Variants in CTBP2 observed in about 807,000 individuals in gnomAD.
CTBP2 encodes C-terminal binding protein 2.
Under a neutral mutation model 80.3 loss-of-function variants are expected in CTBP2, and 30 were observed. That is an observed-to-expected ratio of 0.37 (90% CI 0.28 to 0.51). The LOEUF (loss-of-function observed/expected upper bound fraction) is 0.51, where lower values mean the gene tolerates loss of function less well. CTBP2 is among the 20% of genes least tolerant of loss of function. The probability of loss-of-function intolerance (pLI) is 0.93; values close to 1 mark genes in which losing one functional copy is unlikely to be tolerated. For synonymous variants in CTBP2, 594 were observed against 587.4 expected (o/e 1.01, Z -0.16); for missense variants, 1,212 against 1,375.3 (o/e 0.88, Z 1.88).
At chr10:125,129,674 G>A (rs1437199459) in intron 1 of CTBP2, among the ~76,000 whole-genome samples, 2 of 152,156 alleles carry the variant, frequency 1.3e-5, no homozygotes, top group African/African-American at 4.8e-5. Context: ...CCTTCCAAAG[G>A]AGACTCCAAA....
chr10:125,022,795 C>T (rs1328048117), intron 1 of CTBP2, among the ~76,000 whole-genome samples: 1 of 152,182 alleles, frequency 6.6e-6, no homozygotes, highest in Non-Finnish European at 1.5e-5. Context: ...GGAAGCCTGC[C>T]GAAGGTTTAA....
chr10:125,062,005 G>A (rs571401462), intron 2 of CTBP2, among the ~76,000 whole-genome samples: 9 of 152,320 alleles, frequency 5.9e-5, no homozygotes, highest in South Asian at 2.1e-4. Flanking sequence ...GACCGAAGCC[G>A]GGTAGCCCAG....
At chr10:125,003,234 G>GGCA in intron 2 of CTBP2, 104 bp downstream of exon 4, 1 of 1,580,936 alleles carries the variant, frequency 6.3e-7, no homozygotes, top group Admixed American at 1.8e-5. Context: ...CAGGGAACAG[G>GGCA]GGTTCTGGGG....
intron 2 of CTBP2, among the ~76,000 whole-genome samples, chr10:125,098,742 G>GACAA (rs374036982): frequency 2.8e-5 from 3 of 106,730 alleles, no homozygotes; most frequent in South Asian, 2.7e-4. Context: ...GAGAGAGAGA[G>GACAA]AGAGAGACAG....
chr10:125,075,631 A>T (rs977981843), intron 2 of CTBP2, among the ~76,000 whole-genome samples: 1 of 152,272 alleles, frequency 6.6e-6, no homozygotes, highest in Non-Finnish European at 1.5e-5. Flanking sequence ...CAGACAAAGC[A>T]ATTTTTAGAA....
intron 1 of CTBP2, among the ~76,000 whole-genome samples, chr10:125,120,085 C>CCTGGGAGAGAATTGGTGGG (rs1854060589): frequency 6.6e-6 from 1 of 152,246 alleles, no homozygotes; most frequent in African/African-American, 2.4e-5. Context: ...AGCCAATCAA[C>CCTGGGAGAGAATTGGTGGG]CTGGGAGAGA....
At chr10:125,152,433 G>A (rs1156427345) in intron 1 of CTBP2, among the ~76,000 whole-genome samples, 1 of 152,218 alleles carries the variant, frequency 6.6e-6, no homozygotes, top group Admixed American at 6.5e-5. Context: ...CGGATCGCAG[G>A]GGTTCCAGGC....
chr10:125,056,930 C>A lies in CTBP2; in HGVS notation c.-101-17775G>T, dbSNP rs142260880. 1.9e-3 allele frequency among the ~76,000 whole-genome samples: 285 copies of A among 152,316 alleles called. 2 individuals carry two copies. Among genetic ancestry groups the A allele is most frequent in the African/African-American group, 6.4e-3 (265 of 41,570 alleles). On this transcript the variant is annotated intron_variant, in intron 2 of 10. Coordinates refer to the CTBP2 transcript ENST00000337195. Reference sequence around the variant, plus strand: ...GCTCTGGAAGGTTCTCTCCGAGGGACCTGTTGAGCCCCTCATTGCTTTCTC... The same window carrying A: ...GCTCTGGAAGGTTCTCTCCGAGGGAACTGTTGAGCCCCTCATTGCTTTCTC...
At position 125,087,867 on chromosome 10, in the gene CTBP2, G is replaced by A. The variant is rs896411257; in HGVS notation, c.-102+23123C>T. On this transcript the variant is annotated intron_variant, in intron 2 of 10. Transcript: ENST00000337195. ...TGATTTACAAGAACTGTGCTTCCTT[G>A]TCTCCCAACCCAGTTCTGCCCTCTG... is the stretch of plus-strand genomic sequence containing the variant. Among the ~76,000 whole-genome samples the A allele has an allele frequency of 3.9e-5, 6 of 152,182 alleles. No homozygotes were observed. In the East Asian group the frequency reaches 1.2e-3, roughly 29 times the overall value.
At chr10:125,022,097 A>T (rs1446230151) in intron 1 of CTBP2, among the ~76,000 whole-genome samples, 2 of 152,228 alleles carry the variant, frequency 1.3e-5, no homozygotes, top group Admixed American at 1.3e-4. Flanking sequence ...CAGCTCACGC[A>T]CACACTTCCA....
chr10:125,123,723 C>T (rs1014537910), intron 1 of CTBP2, among the ~76,000 whole-genome samples: 1 of 152,196 alleles, frequency 6.6e-6, no homozygotes, highest in East Asian at 1.9e-4. Flanking sequence ...GAAGCCAGAG[C>T]TCACAATTCC....
chr10:125,044,968 G>A (rs968198209), intron 2 of CTBP2, among the ~76,000 whole-genome samples: 1 of 152,180 alleles, frequency 6.6e-6, no homozygotes, highest in Non-Finnish European at 1.5e-5. Flanking sequence ...TGAGCTTAAT[G>A]GAGCCAATTT....
At chr10:125,061,324 A>G (rs1351646075) in intron 2 of CTBP2, among the ~76,000 whole-genome samples, 1 of 152,154 alleles carries the variant, frequency 6.6e-6, no homozygotes, top group Non-Finnish European at 1.5e-5. Flanking sequence ...ACTCTGGTTC[A>G]GGGGAAAGCT....
intron 1 of CTBP2, among the ~76,000 whole-genome samples, chr10:125,152,283 G>A (rs1386563721): frequency 6.6e-6 from 1 of 152,220 alleles, no homozygotes; most frequent in East Asian, 1.9e-4. Context: ...CCTTGCAGCA[G>A]GGTGGGGCAC....
intron 2 of CTBP2, among the ~76,000 whole-genome samples, chr10:125,092,069 G>C (rs1452907067): frequency 6.6e-6 from 1 of 151,822 alleles, no homozygotes; most frequent in African/African-American, 2.4e-5. Flanking sequence ...TCTTTTTGCT[G>C]TCAAGTAACA....
chr10:125,128,145 G>A (rs1855566863), intron 1 of CTBP2, among the ~76,000 whole-genome samples: 2 of 152,188 alleles, frequency 1.3e-5, no homozygotes, highest in African/African-American at 4.8e-5. Flanking sequence ...TCTGGGAGCA[G>A]CTGTCTAGAA....
chr10:125,060,149 G>A (rs548668814), intron 2 of CTBP2, among the ~76,000 whole-genome samples: 26 of 152,222 alleles, frequency 1.7e-4, no homozygotes, highest in African/African-American at 4.3e-4. Flanking sequence ...ATGTGGCCAC[G>A]CAGCTGATGT....
chr10:125,147,460 A>T (rs973731841), intron 1 of CTBP2, among the ~76,000 whole-genome samples: 2 of 152,170 alleles, frequency 1.3e-5, no homozygotes, highest in African/African-American at 4.8e-5. Context: ...CACAGACTAA[A>T]ATTAACCTCG....
chr10:125,038,898 T>C (rs1412085893), intron 3 of CTBP2, 99 bp downstream of exon 3: 3 of 1,196,206 alleles, frequency 2.5e-6, no homozygotes, highest in Non-Finnish European at 3.6e-6. Context: ...GGAGGGACTC[T>C]GGCTTGGGGA....
Sources: gnomAD v4.1 joint callset for allele counts (sites outside exome capture counted in the v4.1 genomes callset) on GRCh38, gnomAD v4.1.1 for gene constraint, MANE v1.5 for transcripts, NCBI Gene and HGNC (gene_info 2026-07-23, HGNC 2026-07-21) for gene names.